MTUS1: variants seen among roughly 807,000 people sequenced by gnomAD.
MTUS1 encodes microtubule associated scaffold protein 1, also known as microtubule-associated tumor suppressor 1.
In MTUS1, 109 loss-of-function variants were observed where a neutral mutation model predicts 120.8. That is an observed-to-expected ratio of 0.90 (90% CI 0.77 to 1.06). MTUS1 has a LOEUF of 1.06. MTUS1 is among the 50% of genes least tolerant of loss of function. MTUS1 has a pLI of 0.00. For synonymous variants in MTUS1, 737 were observed against 550.5 expected (o/e 1.34, Z -4.74); for missense variants, 2,210 against 1,486.3 (o/e 1.49, Z -8.01).
intron 1 of MTUS1, among the ~76,000 whole-genome samples, chr8:17,773,928 T>C (rs2050202360): frequency 6.6e-6 from 1 of 152,036 alleles, no homozygotes; most frequent in African/African-American, 2.4e-5. Context: ...CAGCACACTA[T>C]ATAAAAATAA....
chr8:17,704,907 C>T (rs568634677), intron 6 of MTUS1, among the ~76,000 whole-genome samples: 5 of 152,288 alleles, frequency 3.3e-5, no homozygotes, highest in Admixed American at 6.5e-5. Context: ...GCTGATTTGA[C>T]AGAGCTCTAC....
At chr8:17,782,876 G>A (rs1007536647) in intron 1 of MTUS1, among the ~76,000 whole-genome samples, 2 of 152,116 alleles carry the variant, frequency 1.3e-5, no homozygotes, top group Non-Finnish European at 2.9e-5. Context: ...TCAGGAGTTC[G>A]GGACCAGCCT....
Position 17,646,108 on chromosome 8 carries a change from C to T in MTUS1, c.3631G>A (p.Glu1211Lys). The change falls in exon 15 of 15, where the codon GAG becomes AAG. Residue 1211 changes from glutamate (E) to lysine (K), a missense_variant. Glu to Lys is a moderately conservative substitution (Grantham distance 56). Transcript: ENST00000693296. ...QLSTEQAVLQESLEKESKVNK... is the reference protein window; with the variant it reads ...QLSTEQAVLQKSLEKESKVNK... The stretch of plus-strand genomic sequence containing the variant: ...ACTTTCGACTCCTTCTCCAGCGACT[C>T]TTGCAGAACAGCCTGCTCCGTGGAA... 2.5e-6 allele frequency: 4 copies of T among 1,612,904 alleles called. No individual in the cohort carries two copies. In the South Asian group the frequency reaches 4.4e-5, roughly 18 times the overall value.
At chr8:17,692,302 G>T (rs1422214297) in intron 6 of MTUS1, 1 of 152,182 alleles carries the variant, frequency 6.6e-6, no homozygotes, top group Non-Finnish European at 1.5e-5. Flanking sequence ...GGAAGCTTAA[G>T]CGACCTGGCA....
intron 8 of MTUS1, among the ~76,000 whole-genome samples, chr8:17,663,513 G>C (rs1810223723): frequency 6.6e-6 from 1 of 152,160 alleles, no homozygotes; most frequent in African/African-American, 2.4e-5. Flanking sequence ...AAAATTACTT[G>C]GGTTCAAATC....
intron 13 of MTUS1, among the ~76,000 whole-genome samples, chr8:17,649,210 C>T (rs879873543): frequency 6.6e-6 from 1 of 152,040 alleles, no homozygotes; most frequent in Admixed American, 6.6e-5. Flanking sequence ...GCACCCACCA[C>T]CACACCCGGC....
At position 17,742,284 on chromosome 8, in the gene MTUS1, TG is replaced by T. The variant is rs1443791244; in HGVS notation, c.2287+1319del. On this transcript the variant is annotated intron_variant, in intron 3 of 14. Coordinates refer to ENST00000693296, the MANE Select transcript of MTUS1 (RefSeq NM_001363059.2). Reference sequence around the variant, plus strand: ...ATGCCCAGCTGTTTTTTTTTTTTGTTGTTGTTGTTTTTTTTTTTTTTTTTTT... The same window carrying T: ...ATGCCCAGCTGTTTTTTTTTTTTGTTTTGTTGTTTTTTTTTTTTTTTTTTT... Among the ~76,000 whole-genome samples, 245 of 82,228 alleles carry T rather than the reference TG, an allele frequency of 3.0e-3. 6 individuals carry two copies. Among genetic ancestry groups the T allele is most frequent in the African/African-American group, 0.012 (194 of 16,370 alleles). The allele number at this position is 82,228 out of a possible 152,430, so 53.9% of individuals were successfully genotyped here.
At chr8:17,654,140 G>C (rs1807672587) in intron 10 of MTUS1, 1 of 183,680 alleles carries the variant, frequency 5.4e-6, no homozygotes, top group South Asian at 1.3e-4. Context: ...TCCCACTGAT[G>C]ACAGATGAAA....
intron 3 of MTUS1, among the ~76,000 whole-genome samples, chr8:17,730,627 C>T (rs1244070603): frequency 4.6e-5 from 7 of 152,004 alleles, no homozygotes; most frequent in Non-Finnish European, 7.4e-5. Context: ...AAAGGTGGTA[C>T]AGATATACCA....
chr8:17,759,620 CTTTCTT>C (rs953130422), intron 1 of MTUS1, among the ~76,000 whole-genome samples: 2 of 144,660 alleles, frequency 1.4e-5, no homozygotes, highest in African/African-American at 5.0e-5. Context: ...TAAAAGTTCT[CTTTCTT>C]TTTATATATT....
In MTUS1 at chr8:17,645,644, A is replaced by G; in HGVS notation, c.*282T>C. ...TGCTTAGGTGAAAAAGGCAATGAAC[A>G]AGATGCTCTCGTTCTTTAAGTGCTT... On this transcript the variant is annotated 3_prime_UTR_variant, in exon 15 of 15. Coordinates refer to ENST00000693296, the MANE Select transcript of MTUS1 (RefSeq NM_001363059.2). 3.3e-6 allele frequency: 1 copy of G among 299,440 alleles called. No individual in the cohort carries two copies. Among genetic ancestry groups the G allele is most frequent in the Non-Finnish European group, 6.1e-6 (1 of 163,960 alleles). 18.5% of individuals were successfully genotyped at this position (299,440 alleles called of 1,614,324 possible).
chr8:17,701,587 G>A (rs1219555234), intron 6 of MTUS1, among the ~76,000 whole-genome samples: 4 of 151,954 alleles, frequency 2.6e-5, no homozygotes, highest in Admixed American at 1.3e-4. Context: ...TCGGTCTGTC[G>A]CCAAGGCTGG....
intron 1 of MTUS1, among the ~76,000 whole-genome samples, chr8:17,785,278 C>T (rs1037672254): frequency 1.3e-5 from 2 of 152,084 alleles, no homozygotes; most frequent in Non-Finnish European, 2.9e-5. Flanking sequence ...AAGGTAGAAG[C>T]GACTGGAGGC....
chr8:17,761,524 C>CA (rs1415806859), intron 1 of MTUS1, among the ~76,000 whole-genome samples: 1 of 152,168 alleles, frequency 6.6e-6, no homozygotes, highest in African/African-American at 2.4e-5. Context: ...TGCCTTATTT[C>CA]ACCAACTGAA....
chr8:17,717,800 C>T (rs1194641250), intron 4 of MTUS1, among the ~76,000 whole-genome samples: 3 of 152,060 alleles, frequency 2.0e-5, no homozygotes, highest in African/African-American at 2.4e-5. Flanking sequence ...TGTCTCACTG[C>T]CACTTTTCAG....
chr8:17,719,178 AG>A (rs1486104723), intron 4 of MTUS1, among the ~76,000 whole-genome samples: 1 of 152,154 alleles, frequency 6.6e-6, no homozygotes, highest in Non-Finnish European at 1.5e-5. Flanking sequence ...TCAAAAAAAA[AG>A]AAAAGGGCTT....
At chr8:17,711,984 C>A (rs570377145) in intron 6 of MTUS1, among the ~76,000 whole-genome samples, 10 of 152,080 alleles carry the variant, frequency 6.6e-5, no homozygotes, top group African/African-American at 2.4e-4. Context: ...TGAGCATGGT[C>A]CATGGTGTCC....
intron 1 of MTUS1, among the ~76,000 whole-genome samples, chr8:17,773,503 T>C (rs79898195): frequency 2.4e-4 from 36 of 152,286 alleles, no homozygotes; most frequent in Admixed American, 1.2e-3. Flanking sequence ...TTATAAGCCA[T>C]CAAAGTTCAT....
At position 17,692,212 on chromosome 8, in the gene MTUS1, G is replaced by C. The variant is rs184896481; in HGVS notation, c.2624-7670C>G. ...ACATTTTATACCTGTCTGTGGGACA[G>C]AGACTAGAGAAGTCACACGCTCTAT... On this transcript the variant is annotated intron_variant, in intron 6 of 14. Coordinates refer to ENST00000693296, the MANE Select transcript of MTUS1 (RefSeq NM_001363059.2). The C allele has an allele frequency of 4.5e-4, 69 of 152,226 alleles. 2 individuals carry two copies. Among genetic ancestry groups the C allele is most frequent in the African/African-American group, 1.6e-3 (65 of 41,560 alleles). 9.4% of individuals were successfully genotyped at this position (152,226 alleles called of 1,614,324 possible).
Sources: gnomAD v4.1 joint callset for allele counts (sites outside exome capture counted in the v4.1 genomes callset) on GRCh38, gnomAD v4.1.1 for gene constraint, MANE v1.5 for transcripts, NCBI Gene and HGNC (gene_info 2026-07-23, HGNC 2026-07-21) for gene names.